HPSE2: variants seen among roughly 807,000 people sequenced by gnomAD.
HPSE2 encodes heparanase 2 (inactive).
A neutral mutation model predicts 60.5 loss-of-function variants in HPSE2; 38 were observed. That is an observed-to-expected ratio of 0.63 (90% CI 0.48 to 0.82). HPSE2 has a LOEUF of 0.82. Among genes scored for constraint, HPSE2 ranks in the 40% least tolerant of loss-of-function variants. HPSE2 has a pLI of 0.00. For synonymous variants in HPSE2, 295 were observed against 293.2 expected (o/e 1.01, Z -0.06); for missense variants, 713 against 740.4 (o/e 0.96, Z 0.43).
chr10:98,761,738 CGGACTGG>C (rs1037318852), intron 3 of HPSE2, among the ~76,000 whole-genome samples: 7 of 152,060 alleles, frequency 4.6e-5, no homozygotes, highest in African/African-American at 1.7e-4. Flanking sequence ...CAGTAGCAAG[CGGACTGG>C]GGACTTAACT....
chr10:98,674,741 C>G (rs768408489), intron 6 of HPSE2, among the ~76,000 whole-genome samples: 1 of 151,988 alleles, frequency 6.6e-6, no homozygotes, highest in Non-Finnish European at 1.5e-5. Context: ...ATGGTGAAAC[C>G]CTGTCTTTAC....
chr10:98,835,142 G>T (rs964487685), intron 3 of HPSE2, among the ~76,000 whole-genome samples: 16 of 152,038 alleles, frequency 1.1e-4, no homozygotes, highest in Admixed American at 2.0e-4. Context: ...CAAAGAGATG[G>T]AACCTGACTG....
At chr10:98,531,589 G>C (rs1374216488) in intron 9 of HPSE2, among the ~76,000 whole-genome samples, 9 of 152,236 alleles carry the variant, frequency 5.9e-5, no homozygotes, top group African/African-American at 1.4e-4. Context: ...TTCCAAAGAG[G>C]GTCTTTCTAG....
At chr10:99,061,819 T>C (rs2135525139) in intron 3 of HPSE2, among the ~76,000 whole-genome samples, 1 of 152,358 alleles carries the variant, frequency 6.6e-6, no homozygotes, top group African/African-American at 2.4e-5. Context: ...AAATGAGATA[T>C]TGTACATAAA....
At chr10:98,462,230 G>C (rs941495164) in intron 11 of HPSE2, among the ~76,000 whole-genome samples, 2 of 152,114 alleles carry the variant, frequency 1.3e-5, no homozygotes, top group Non-Finnish European at 2.9e-5. Context: ...CCAGGCTGCA[G>C]TGCAGTGGTG....
At chr10:99,307,583 G>C in the HPSE2 span, among the ~76,000 whole-genome samples, 7 of 152,174 alleles carry the variant, frequency 4.6e-5, no homozygotes, top group East Asian at 1.3e-3. Flanking sequence ...TGCTGGCTAG[G>C]CCTCTGCTCC....
chr10:98,879,840 GGTGTGCATGTGC>G (rs962484648), intron 3 of HPSE2, among the ~76,000 whole-genome samples: 1 of 130,996 alleles, frequency 7.6e-6, no homozygotes, highest in African/African-American at 2.9e-5. Flanking sequence ...AACAACAGTT[GGTGTGCATGTGC>G]GTGTGTGTGT....
At chr10:98,796,394 C>T (rs918977800) in intron 3 of HPSE2, among the ~76,000 whole-genome samples, 8 of 152,172 alleles carry the variant, frequency 5.3e-5, no homozygotes, top group African/African-American at 1.9e-4. Flanking sequence ...GCAGAACCTC[C>T]CATGGGCTGC....
the HPSE2 span, among the ~76,000 whole-genome samples, chr10:99,278,072 G>C: frequency 3.7e-5 from 5 of 136,402 alleles, no homozygotes; most frequent in Non-Finnish European, 6.2e-5. Flanking sequence ...ACTCCAGTCT[G>C]GGAGCGAGAC....
intron 3 of HPSE2, among the ~76,000 whole-genome samples, chr10:99,036,942 GA>G (rs1357094235): frequency 1.3e-5 from 2 of 152,022 alleles, no homozygotes; most frequent in Non-Finnish European, 2.9e-5. Flanking sequence ...AGTTAACAGA[GA>G]AAAAACCTGG....
intron 3 of HPSE2, among the ~76,000 whole-genome samples, chr10:99,036,682 T>C (rs1247389852): frequency 2.0e-5 from 3 of 152,214 alleles, no homozygotes; most frequent in Non-Finnish European, 4.4e-5. Flanking sequence ...ACAGGCAAGG[T>C]CCACAAATGC....
At chr10:99,110,292 CCT>C (rs1844409196) in intron 3 of HPSE2, among the ~76,000 whole-genome samples, 1 of 152,136 alleles carries the variant, frequency 6.6e-6, no homozygotes, top group Non-Finnish European at 1.5e-5. Flanking sequence ...AGCCGTAAAT[CCT>C]CTCTTAAGAG....
At chr10:98,467,698 G>A (rs1190422334) in intron 11 of HPSE2, among the ~76,000 whole-genome samples, 3 of 152,230 alleles carry the variant, frequency 2.0e-5, no homozygotes, top group East Asian at 3.8e-4. Flanking sequence ...GCGTCCGCCT[G>A]CCTCCAAATC....
intron 7 of HPSE2, among the ~76,000 whole-genome samples, chr10:98,631,797 A>G (rs1946372097): frequency 6.6e-6 from 1 of 152,248 alleles, no homozygotes; most frequent in African/African-American, 2.4e-5. Flanking sequence ...ATCAATGCAA[A>G]TAACCCTCTA....
chr10:99,301,223 C>A, the HPSE2 span, among the ~76,000 whole-genome samples: 1 of 152,176 alleles, frequency 6.6e-6, no homozygotes, highest in African/African-American at 2.4e-5. Flanking sequence ...AGGGATAGTT[C>A]CCACCTCTGT....
At chr10:99,067,359 C>A (rs1842648986) in intron 3 of HPSE2, among the ~76,000 whole-genome samples, 1 of 152,192 alleles carries the variant, frequency 6.6e-6, no homozygotes, top group Non-Finnish European at 1.5e-5. Context: ...TGTGTGGGGG[C>A]TCTGACCCCA....
chr10:99,132,216 AGAGAGAGAGAGAGAGAGAG>A (rs1845454031), intron 3 of HPSE2, among the ~76,000 whole-genome samples: 1 of 29,284 alleles, frequency 3.4e-5, no homozygotes, highest in African/African-American at 5.8e-5. Flanking sequence ...AGAGAGAGAG[AGAGAGAGAGAGAGAGAGAG>A]AGAGAGAGAA....
intron 6 of HPSE2, among the ~76,000 whole-genome samples, chr10:98,656,478 G>T (rs1947066977): frequency 6.6e-6 from 1 of 152,084 alleles, no homozygotes; most frequent in Non-Finnish European, 1.5e-5. Flanking sequence ...CCTTAATGTG[G>T]GTTGTGCTTC....
At chr10:99,009,240 CAAAAAAAA>C (rs56775967) in intron 3 of HPSE2, among the ~76,000 whole-genome samples, 6 of 74,422 alleles carry the variant, frequency 8.1e-5, no homozygotes, top group Admixed American at 2.1e-4. Flanking sequence ...CCAGTGTCTA[CAAAAAAAA>C]AAAAAAAAAA....
Sources: allele counts gnomAD v4.1 joint callset (sites outside exome capture counted in the v4.1 genomes callset), GRCh38; gene constraint gnomAD v4.1.1; transcripts MANE v1.5; gene names NCBI Gene and HGNC (gene_info 2026-07-23, HGNC 2026-07-21).